The following PDE4D variants were observed in gnomAD, a reference collection of about 807,000 sequenced individuals.
The protein encoded by PDE4D is 3',5'-cyclic-AMP phosphodiesterase 4D.
Under a neutral mutation model 87.4 loss-of-function variants are expected in PDE4D, and 24 were observed. The ratio of observed to expected loss-of-function variants is 0.27; its 90% confidence interval spans 0.20 to 0.39. The LOEUF (loss-of-function observed/expected upper bound fraction) is 0.39. Ranked by LOEUF, PDE4D falls within the 10% of genes least tolerant of loss-of-function variation. PDE4D has a pLI of 1.00. For missense variants in PDE4D, 714 were observed against 1,041.0 expected (o/e 0.69, Z 4.32); for synonymous variants, 384 against 383.2 (o/e 1.00, Z -0.02).
chr5:59,161,040 G>A (rs1435044411), intron 5 of PDE4D, among the ~76,000 whole-genome samples: 1 of 152,170 alleles, frequency 6.6e-6, no homozygotes, highest in Non-Finnish European at 1.5e-5. Flanking sequence ...AGGTTGCAGT[G>A]AGCCGAATTG....
At chr5:59,542,971 A>G (rs1354383519) in intron 1 of PDE4D, among the ~76,000 whole-genome samples, 1 of 152,168 alleles carries the variant, frequency 6.6e-6, no homozygotes, top group Non-Finnish European at 1.5e-5. Flanking sequence ...GTAATTTACA[A>G]TCCATGACAA....
chr5:59,194,184 G>A (rs1219200162), intron 2 of PDE4D, among the ~76,000 whole-genome samples: 1 of 152,182 alleles, frequency 6.6e-6, no homozygotes, highest in African/African-American at 2.4e-5. Flanking sequence ...TGTCTTGGAG[G>A]GACAGGGAAG....
At chr5:59,438,831 C>T (rs1375655424) in intron 1 of PDE4D, among the ~76,000 whole-genome samples, 3 of 152,032 alleles carry the variant, frequency 2.0e-5, no homozygotes, top group African/African-American at 4.8e-5. Flanking sequence ...TCATAATAAA[C>T]TAAATCAGAT....
chr5:59,359,648 C>T lies in PDE4D; in HGVS notation c.456-143680G>A, dbSNP rs114768475. On this transcript the variant is annotated intron_variant, in intron 1 of 14. Transcript: ENST00000340635. ...AATGATTTTCTAGGATGAATCTTTA[C>T]TAGCATTTATAATACAACAAGCTGT... is the stretch of plus-strand genomic sequence containing the variant. 4.9e-3 allele frequency among the ~76,000 whole-genome samples: 750 copies of T among 152,264 alleles called. 4 individuals are homozygous for T. Among genetic ancestry groups the T allele is most frequent in the African/African-American group, 0.017 (695 of 41,572 alleles).
At chr5:60,333,122 C>T (rs1422361678) in intron 1 of PDE4D, among the ~76,000 whole-genome samples, 3 of 152,172 alleles carry the variant, frequency 2.0e-5, no homozygotes, top group African/African-American at 7.2e-5. Context: ...ATAACTAGAT[C>T]CACTTAACTC....
chr5:59,942,148 T>C (rs1260531892), intron 3 of PDE4D, among the ~76,000 whole-genome samples: 1 of 152,246 alleles, frequency 6.6e-6, no homozygotes, highest in African/African-American at 2.4e-5. Context: ...TTCATAAATG[T>C]TCTTGAATAG....
intron 1 of PDE4D, among the ~76,000 whole-genome samples, chr5:59,470,757 G>A (rs1207438046): frequency 6.6e-6 from 1 of 152,044 alleles, no homozygotes; most frequent in Non-Finnish European, 1.5e-5. Flanking sequence ...CAGGATAGAT[G>A]TTGTGGCATA....
At chr5:60,133,312 G>A (rs567446586) in intron 2 of PDE4D, among the ~76,000 whole-genome samples, 5 of 152,064 alleles carry the variant, frequency 3.3e-5, no homozygotes, top group East Asian at 1.9e-4. Flanking sequence ...ACTTATTGCC[G>A]TCAACTTATT....
chr5:60,077,461 C>T (rs1262216482), intron 2 of PDE4D, among the ~76,000 whole-genome samples: 3 of 152,112 alleles, frequency 2.0e-5, no homozygotes, highest in Non-Finnish European at 4.4e-5. Context: ...AGGCCTAACC[C>T]ACTAGAACAG....
chr5:59,200,088 T>TATGCACACACATACATGC (rs1746603683), intron 2 of PDE4D, among the ~76,000 whole-genome samples: 8 of 121,694 alleles, frequency 6.6e-5, no homozygotes, highest in Admixed American at 4.2e-4. Flanking sequence ...CACATACATG[T>TATGCACACACATACATGC]ATGTAGACAT....
intron 1 of PDE4D, among the ~76,000 whole-genome samples, chr5:60,494,201 T>G (rs191846592): frequency 6.6e-6 from 1 of 152,210 alleles, no homozygotes; most frequent in African/African-American, 2.4e-5. Context: ...AGGAGTTGAA[T>G]GAGCTAAGCT....
intron 1 of PDE4D, among the ~76,000 whole-genome samples, chr5:60,473,129 AAGGAAGGAAGGAAGGAAGGAAGG>A (rs1561294260): frequency 0.1 from 6,274 of 62,554 alleles, 251 homozygotes; most frequent in South Asian, 0.17. Flanking sequence ...GAAAGAAAGG[AAGGAAGGAAGGAAGGAAGGAAGG>A]AAGGAAGGAA....
chr5:59,463,851 A>C (rs914001857), intron 1 of PDE4D, among the ~76,000 whole-genome samples: 1 of 151,938 alleles, frequency 6.6e-6, no homozygotes, highest in Non-Finnish European at 1.5e-5. Context: ...GACATAGGAG[A>C]CTCCATTTTG....
At chr5:60,189,889 T>G (rs1301631114) in intron 1 of PDE4D, among the ~76,000 whole-genome samples, 1 of 152,230 alleles carries the variant, frequency 6.6e-6, no homozygotes, top group Non-Finnish European at 1.5e-5. Context: ...CAGTTGCCTC[T>G]GAGTGATCAA....
intron 5 of PDE4D, chr5:59,039,360 G>C: frequency 9.7e-7 from 1 of 1,032,148 alleles, no homozygotes. Flanking sequence ...GAGCGCGCTT[G>C]GGTGCCCGCC....
At chr5:59,412,397 CT>C (rs1792837076) in intron 1 of PDE4D, among the ~76,000 whole-genome samples, 2 of 152,144 alleles carry the variant, frequency 1.3e-5, no homozygotes. Flanking sequence ...AAAAAGCATA[CT>C]CCCCTCTGCG....
At chr5:60,007,678 GTCA>G (rs1248453672) in intron 2 of PDE4D, among the ~76,000 whole-genome samples, 3 of 151,928 alleles carry the variant, frequency 2.0e-5, no homozygotes, top group Non-Finnish European at 4.4e-5. Flanking sequence ...AACTTTAAAT[GTCA>G]TCTACTTCAG....
intron 1 of PDE4D, chr5:59,560,992 T>C (rs1819880387): frequency 6.6e-6 from 1 of 152,374 alleles, no homozygotes; most frequent in South Asian, 2.1e-4. Flanking sequence ...TTAAAAGTTA[T>C]GGCAGACATT....
rs541649139 is a variant in PDE4D at position 59,261,968 on chromosome 5, A to G, written c.456-46000T>C. The stretch of plus-strand genomic sequence containing the variant: ...ATCAAATATTCCAGATTTATTTTAT[A>G]TTACTCCACCCCAAATTCAAGTAGG... On this transcript the variant is annotated intron_variant, in intron 1 of 14. Transcript: ENST00000340635. Among the ~76,000 whole-genome samples, 6 of 152,024 alleles carry G rather than the reference A, an allele frequency of 3.9e-5. No homozygotes were observed. In the South Asian group the frequency reaches 1.2e-3, roughly 32 times the overall value.
Sources: gnomAD v4.1 joint callset for allele counts (sites outside exome capture counted in the v4.1 genomes callset) on GRCh38, gnomAD v4.1.1 for gene constraint, MANE v1.5 for transcripts, NCBI Gene and HGNC (gene_info 2026-07-23, HGNC 2026-07-21) for gene names.